The following MAP2K5 variants were observed in gnomAD, a reference collection of about 807,000 sequenced individuals.
The protein encoded by MAP2K5 is dual specificity mitogen-activated protein kinase kinase 5.
Under a neutral mutation model 83.1 loss-of-function variants are expected in MAP2K5, and 49 were observed. The observed-to-expected ratio is 0.59, with a 90% CI of 0.47 to 0.75. The LOEUF is 0.75. MAP2K5 is among the 30% of genes least tolerant of loss of function. MAP2K5 has a pLI of 0.00. For synonymous variants in MAP2K5, 202 were observed against 191.8 expected, an observed-to-expected ratio of 1.05 and a Z score of -0.44; for missense variants, 457 against 557.5, an observed-to-expected ratio of 0.82 and a Z score of 1.82.
At chr15:67,695,794 C>A (rs1222757316) in intron 15 of MAP2K5, among the ~76,000 whole-genome samples, 2 of 152,146 alleles carry the variant, frequency 1.3e-5, no homozygotes, top group African/African-American at 4.8e-5. Flanking sequence ...TGTGATGCAT[C>A]CATCTGTTAA....
chr15:67,668,552 A>G lies in MAP2K5; in HGVS notation c.847+3907A>G, dbSNP rs1472827282. The stretch of plus-strand genomic sequence containing the variant: ...ACATCGCAGCTTCACTTCAAAACAT[A>G]CATCGCCACTAATGAGGTGAGAGCC... On this transcript the variant is annotated intron_variant, in intron 13 of 21. Coordinates refer to ENST00000178640, the MANE Select transcript of MAP2K5 (RefSeq NM_145160.3). This position sits in a 1 kb window ranked among gnomAD's most constrained non-coding sequence, Gnocchi z 4.0. 1.3e-5 allele frequency among the ~76,000 whole-genome samples: 2 copies of G among 152,160 alleles called. No individual in the cohort carries two copies. The highest frequency in any genetic ancestry group is 3.8e-4 in the East Asian group (2 of 5,198).
intron 15 of MAP2K5, among the ~76,000 whole-genome samples, chr15:67,699,081 A>C (rs916920197): frequency 6.6e-6 from 1 of 152,200 alleles, no homozygotes; most frequent in African/African-American, 2.4e-5. Context: ...TGCTAATAGC[A>C]GACTAAGTTA....
chr15:67,712,733 A>G (rs1382239872), intron 16 of MAP2K5, among the ~76,000 whole-genome samples: 1 of 152,190 alleles, frequency 6.6e-6, no homozygotes, highest in Non-Finnish European at 1.5e-5. Flanking sequence ...CCTGGTTAAC[A>G]TGGTGAAACT....
chr15:67,779,730 T>G lies in MAP2K5; in HGVS notation c.1242+6978T>G, dbSNP rs1687267428. Among the ~76,000 whole-genome samples, 1 of 152,206 alleles carries G rather than the reference T, an allele frequency of 6.6e-6. No homozygotes were observed. The highest frequency in any genetic ancestry group is 2.4e-5 in the African/African-American group (1 of 41,460). Reference sequence around the variant, plus strand: ...ATGCCTCTTTCGTGTTTTATTGGACTGTCATCTTCCTAGTATCTTGTTTCA... The same window carrying G: ...ATGCCTCTTTCGTGTTTTATTGGACGGTCATCTTCCTAGTATCTTGTTTCA... On this transcript the variant is annotated intron_variant, in intron 21 of 21. Transcript: ENST00000178640. The surrounding 1 kb of genome is among the most constrained non-coding windows in gnomAD (Gnocchi z 4.6).
chr15:67,579,785 T>A (rs1201342842), intron 3 of MAP2K5, among the ~76,000 whole-genome samples: 1 of 152,170 alleles, frequency 6.6e-6, no homozygotes, highest in Admixed American at 6.5e-5. Flanking sequence ...AAAAAAACTT[T>A]TAAAGAATGT....
Position 67,561,696 on chromosome 15 carries a change from G to C in MAP2K5, c.185-1587G>C, listed in dbSNP as rs533721313. 2.6e-5 allele frequency among the ~76,000 whole-genome samples: 4 copies of C among 152,304 alleles called. No homozygotes were observed. The highest frequency in any genetic ancestry group is 5.9e-5 in the Non-Finnish European group (4 of 68,020). On this transcript the variant is annotated intron_variant, in intron 2 of 21. Coordinates refer to ENST00000178640, the MANE Select transcript of MAP2K5 (RefSeq NM_145160.3). This position sits in a 1 kb window ranked among gnomAD's most constrained non-coding sequence, Gnocchi z 4.2. ...AGCTATGGGTCACTGAACAGGACTG[G>C]TCCAAGTGCTGGTTTCGATCATGCT...
chr15:67,623,070 C>A (rs1046941164), intron 8 of MAP2K5, among the ~76,000 whole-genome samples: 7 of 152,158 alleles, frequency 4.6e-5, no homozygotes, highest in Admixed American at 6.5e-5. Context: ...CCACTGCACT[C>A]CAGCCTGGGC....
intron 13 of MAP2K5, among the ~76,000 whole-genome samples, chr15:67,679,478 T>A (rs921757669): frequency 6.6e-6 from 1 of 152,190 alleles, no homozygotes; most frequent in Non-Finnish European, 1.5e-5. Flanking sequence ...TTTTTCATGT[T>A]TGAATCAGTT....
chr15:67,570,078 A>T (rs1469970893), intron 3 of MAP2K5, among the ~76,000 whole-genome samples: 3 of 152,214 alleles, frequency 2.0e-5, no homozygotes, highest in African/African-American at 7.2e-5. Context: ...GGATCCCATA[A>T]ATTTTGGGCC....
chr15:67,573,234 C>T lies in MAP2K5; in HGVS notation c.253-7520C>T, dbSNP rs2084984109. On this transcript the variant is annotated intron_variant, in intron 3 of 21. Coordinates refer to ENST00000178640, the MANE Select transcript of MAP2K5 (RefSeq NM_145160.3). This position sits in a 1 kb window ranked among gnomAD's most constrained non-coding sequence, Gnocchi z 4.2. ...GCTCTGGTTCAAATGCCTCTAACAA[C>T]ATTGCTATAAAGAGCTATTTGAGAC... 1.3e-5 allele frequency among the ~76,000 whole-genome samples: 2 copies of T among 152,212 alleles called. No individual in the cohort carries two copies. Among genetic ancestry groups the T allele is most frequent in the South Asian group, 4.1e-4 (2 of 4,826 alleles).
chr15:67,714,140 A>G (rs773895442), intron 16 of MAP2K5, among the ~76,000 whole-genome samples: 1 of 152,204 alleles, frequency 6.6e-6, no homozygotes, highest in African/African-American at 2.4e-5. Context: ...CCTACAATGT[A>G]TTAAGGGAGG....
rs963732964 is a variant in MAP2K5 at position 67,638,065 on chromosome 15, T to C, written c.585+7138T>C. 6.6e-6 allele frequency among the ~76,000 whole-genome samples: 1 copy of C among 152,120 alleles called. No individual in the cohort carries two copies. Among genetic ancestry groups the C allele is most frequent in the Non-Finnish European group, 1.5e-5 (1 of 68,032 alleles). On this transcript the variant is annotated intron_variant, in intron 9 of 21. Coordinates refer to ENST00000178640, the MANE Select transcript of MAP2K5 (RefSeq NM_145160.3). This position sits in a 1 kb window ranked among gnomAD's most constrained non-coding sequence, Gnocchi z 4.5. ...TTAAAAAAGTTAATTTTTTTAACTT[T>C]TAATTTAACTTTTTTAATTTAACTT... is the stretch of plus-strand genomic sequence containing the variant.
rs1303742884 is a variant in MAP2K5, at chr15:67,760,089, A to T, written c.1135-9513A>T. ...AAGTCCAGTGTGTTTAAATTAATTC[A>T]GTTTGGCTGGTTTGAAAATTGAAAA... On this transcript the variant is annotated intron_variant, in intron 19 of 21. Transcript: ENST00000178640. This position sits in a 1 kb window ranked among gnomAD's most constrained non-coding sequence, Gnocchi z 4.1. 6.6e-6 allele frequency among the ~76,000 whole-genome samples: 1 copy of T among 152,232 alleles called. No homozygotes were observed. Among genetic ancestry groups the T allele is most frequent in the Non-Finnish European group, 1.5e-5 (1 of 68,044 alleles).
intron 4 of MAP2K5, among the ~76,000 whole-genome samples, chr15:67,584,840 G>A (rs1320777539): frequency 1.3e-5 from 2 of 151,472 alleles, no homozygotes; most frequent in East Asian, 3.9e-4. Context: ...GGGACTACAG[G>A]CGCCCGCCAC....
chr15:67,613,595 T>C (rs1418872688), intron 8 of MAP2K5, among the ~76,000 whole-genome samples: 2 of 152,150 alleles, frequency 1.3e-5, no homozygotes, highest in African/African-American at 4.8e-5. Flanking sequence ...TTTTATTCTG[T>C]TTTGAGGTCT....
At chr15:67,655,470 C>T (rs976737547) in intron 11 of MAP2K5, among the ~76,000 whole-genome samples, 4 of 152,082 alleles carry the variant, frequency 2.6e-5, no homozygotes, top group South Asian at 2.1e-4. Context: ...CCTTCAGTTT[C>T]GTAGAATAGT....
intron 8 of MAP2K5, among the ~76,000 whole-genome samples, chr15:67,618,282 A>AC (rs2086100201): frequency 6.6e-6 from 1 of 151,784 alleles, no homozygotes; most frequent in South Asian, 2.1e-4. Context: ...GGCCTCAGGG[A>AC]CCCCATTCTT....
intron 16 of MAP2K5, among the ~76,000 whole-genome samples, chr15:67,704,705 A>G (rs1353859615): frequency 6.6e-6 from 1 of 152,226 alleles, no homozygotes; most frequent in African/African-American, 2.4e-5. Flanking sequence ...AGATCTCAGA[A>G]CTGAGTCTCC....
At chr15:67,571,817 C>T (rs925346391) in intron 3 of MAP2K5, among the ~76,000 whole-genome samples, 1 of 152,086 alleles carries the variant, frequency 6.6e-6, no homozygotes, top group African/African-American at 2.4e-5. Flanking sequence ...GGTTTGTTTC[C>T]TCATTCATCC....
Sources: gnomAD v4.1 joint callset for allele counts (sites outside exome capture counted in the v4.1 genomes callset) on GRCh38, gnomAD v4.1.1 for gene constraint, Gnocchi (gnomAD v3.1) non-coding constraint, MANE v1.5 for transcripts, NCBI Gene and HGNC (gene_info 2026-07-23, HGNC 2026-07-21) for gene names.